The following PATJ variants were observed in gnomAD, a reference collection of about 807,000 sequenced individuals.
PATJ encodes PATJ crumbs cell polarity complex component.
In PATJ, 190 loss-of-function variants were observed where a neutral mutation model predicts 224.9. That is an observed-to-expected ratio of 0.84 (90% CI 0.75 to 0.95). PATJ has a LOEUF of 0.95. Among genes scored for constraint, PATJ ranks in the 40% least tolerant of loss-of-function variants. PATJ has a pLI of 0.00. For synonymous variants in PATJ, 769 were observed against 820.3 expected, an observed-to-expected ratio of 0.94 and a Z score of 1.07; for missense variants, 2,121 against 2,270.3, an observed-to-expected ratio of 0.93 and a Z score of 1.34.
At chr1:61,895,729 C>T (rs1452405674) in intron 22 of PATJ, among the ~76,000 whole-genome samples, 3 of 152,198 alleles carry the variant, frequency 2.0e-5, no homozygotes, top group Non-Finnish European at 2.9e-5. Context: ...GATTGAAGCC[C>T]CTAAATGGAG....
intron 27 of PATJ, among the ~76,000 whole-genome samples, chr1:61,968,432 A>AT (rs1267190073): frequency 4.6e-5 from 7 of 152,316 alleles, no homozygotes; most frequent in African/African-American, 1.7e-4. Context: ...TACGGTAAAA[A>AT]ATATATAAAA....
intron 17 of PATJ, among the ~76,000 whole-genome samples, chr1:61,843,738 C>T (rs934293221): frequency 6.8e-6 from 1 of 147,758 alleles, no homozygotes; most frequent in Non-Finnish European, 1.5e-5. Context: ...AAAAAAAATG[C>T]ATATAAATGC....
chr1:62,084,844 G>A (rs757818008), intron 33 of PATJ, among the ~76,000 whole-genome samples, 196 bp downstream of exon 33: 23 of 152,150 alleles, frequency 1.5e-4, no homozygotes, highest in South Asian at 4.1e-4. Flanking sequence ...AGTGCTGGGC[G>A]CGGTGGCTCA....
At chr1:62,060,566 G>A (rs1027178567) in intron 31 of PATJ, among the ~76,000 whole-genome samples, 4 of 151,570 alleles carry the variant, frequency 2.6e-5, no homozygotes, top group East Asian at 1.9e-4. Context: ...GATGGGTTTC[G>A]CCATGTTCAG....
intron 31 of PATJ, among the ~76,000 whole-genome samples, chr1:62,058,529 G>T (rs1008835418): frequency 2.6e-5 from 4 of 152,136 alleles, no homozygotes; most frequent in African/African-American, 9.7e-5. Flanking sequence ...CCTGCCTGTG[G>T]GAAAGGGGCT....
At chr1:61,878,105 A>C (rs1363785064) in intron 21 of PATJ, among the ~76,000 whole-genome samples, 2 of 152,248 alleles carry the variant, frequency 1.3e-5, no homozygotes, top group Admixed American at 6.5e-5. Context: ...TATGCAACTT[A>C]GTGGTGTAGT....
intron 20 of PATJ, among the ~76,000 whole-genome samples, chr1:61,871,856 G>A (rs1248305740): frequency 2.8e-5 from 4 of 141,658 alleles, no homozygotes; most frequent in East Asian, 2.3e-4. Flanking sequence ...GAGCCACCAC[G>A]TCTGGCTTTT....
At chr1:62,107,600 G>A (rs1272051950) in intron 33 of PATJ, among the ~76,000 whole-genome samples, 1 of 151,954 alleles carries the variant, frequency 6.6e-6, no homozygotes, top group East Asian at 1.9e-4. Flanking sequence ...AGAGATCCTT[G>A]GAAACTATGA....
At position 62,153,340 on chromosome 1, in the gene PATJ, C is replaced by A; in HGVS notation, c.5379-18C>A. 1.6e-6 allele frequency: 2 copies of A among 1,228,880 alleles called. No individual in the cohort carries two copies. The highest frequency in any genetic ancestry group is 2.0e-6 in the Non-Finnish European group (2 of 985,070). The allele number at this position is 1,228,880 out of a possible 1,614,324, so 76.1% of individuals were successfully genotyped here. ...CAATATCTATTCTCGAATTAAACAG[C>A]ATGCATTGTGTTTTCAGAACACCTC... On this transcript the variant is annotated intron_variant, in intron 42 of 43. Coordinates refer to ENST00000642238, the MANE Select transcript of PATJ (RefSeq NM_001350145.3).
Position 61,805,431 on chromosome 1 carries a change from T to C in PATJ, c.1550-17T>C, listed in dbSNP as rs147824323. On this transcript the variant is annotated splice_polypyrimidine_tract_variant and intron_variant, in intron 12 of 43. Coordinates refer to ENST00000642238, the MANE Select transcript of PATJ (RefSeq NM_001350145.3). ...TTCAACATTCTCTCGCTCTCTCTCTTTTTTTTTAATATCCAGAAAAAGTCC... is the reference window on the plus strand; with the variant it reads ...TTCAACATTCTCTCGCTCTCTCTCTCTTTTTTTAATATCCAGAAAAAGTCC... 1,072 of 1,545,680 alleles carry C rather than the reference T, an allele frequency of 6.9e-4. 10 individuals are homozygous for C. In the African/African-American group the frequency reaches 0.012, roughly 17 times the overall value.
intron 26 of PATJ, among the ~76,000 whole-genome samples, chr1:61,919,432 T>C (rs1350921546): frequency 6.6e-6 from 1 of 151,868 alleles, no homozygotes; most frequent in African/African-American, 2.4e-5. Context: ...GCCTCCCAAG[T>C]AGCTGAGACC....
At chr1:62,103,217 G>A (rs558474413) in intron 33 of PATJ, among the ~76,000 whole-genome samples, 13 of 152,270 alleles carry the variant, frequency 8.5e-5, no homozygotes, top group East Asian at 1.9e-4. Flanking sequence ...GCTTACTATC[G>A]TGGTGGGAGT....
intron 29 of PATJ, among the ~76,000 whole-genome samples, chr1:62,030,400 A>G (rs757263467): frequency 1.3e-5 from 2 of 152,112 alleles, no homozygotes; most frequent in Non-Finnish European, 2.9e-5. Context: ...GTTGTTTTGT[A>G]TCTTATTTAT....
At chr1:61,944,824 G>A (rs910589608) in intron 27 of PATJ, among the ~76,000 whole-genome samples, 4 of 152,182 alleles carry the variant, frequency 2.6e-5, no homozygotes, top group Non-Finnish European at 4.4e-5. Context: ...GGCAGCCAGA[G>A]AGAAAGGTTG....
At chr1:62,017,443 G>A (rs1646835837) in intron 28 of PATJ, among the ~76,000 whole-genome samples, 1 of 151,498 alleles carries the variant, frequency 6.6e-6, no homozygotes, top group African/African-American at 2.4e-5. Flanking sequence ...TAGACTTAGG[G>A]CCAGGTGTGG....
At chr1:61,793,716 C>G (rs1650385569) in intron 9 of PATJ, among the ~76,000 whole-genome samples, 1 of 139,180 alleles carries the variant, frequency 7.2e-6, no homozygotes, top group African/African-American at 2.7e-5. Flanking sequence ...GAGCCAGATC[C>G]TGTTTCAAAA....
At position 61,808,477 on chromosome 1, in the gene PATJ, G is replaced by A; in HGVS notation, c.1630G>A (p.Ala544Thr). ...GAAATTTTTTTTGTAAATTTAGGTT[G>A]CTACTTTGGACACACAGATTGCAGA... ...LLGPDYEVMV[A>T]TLDTQIADDA... The change falls in exon 14 of 44, where the codon GCT becomes ACT. Residue 544 changes from alanine (A) to threonine (T), a missense_variant. Ala to Thr is a moderately conservative substitution (Grantham distance 58). Transcript: ENST00000642238. 6.3e-7 allele frequency: 1 copy of A among 1,599,426 alleles called. No homozygotes were observed. The highest frequency in any genetic ancestry group is 8.6e-7 in the Non-Finnish European group (1 of 1,168,184).
chr1:61,833,551 G>A, intron 16 of PATJ, 103 bp from the exon 17 acceptor site: 2 of 1,151,332 alleles, frequency 1.7e-6, no homozygotes, highest in Non-Finnish European at 2.4e-6. Flanking sequence ...ATGCCAAAGA[G>A]AATTCTCAGT....
chr1:62,010,921 TCTC>T (rs1282630785), intron 28 of PATJ, among the ~76,000 whole-genome samples: 2 of 152,196 alleles, frequency 1.3e-5, no homozygotes, highest in Non-Finnish European at 2.9e-5. Context: ...ACTTGCTGCT[TCTC>T]CTTGCATTTT....
Sources: gnomAD v4.1 joint callset for allele counts (sites outside exome capture counted in the v4.1 genomes callset) on GRCh38, gnomAD v4.1.1 for gene constraint, MANE v1.5 for transcripts, NCBI Gene and HGNC (gene_info 2026-07-23, HGNC 2026-07-21) for gene names.